Variants in FAM240B observed in about 807,000 individuals in gnomAD.
FAM240B encodes protein FAM240B.
intron 1 of FAM240B, among the ~76,000 whole-genome samples, chr9:38,719,312 A>C (rs1441224943): frequency 6.6e-6 from 1 of 151,622 alleles, no homozygotes; most frequent in African/African-American, 2.4e-5. Flanking sequence ...TTCTATTTTC[A>C]GTAAAATGTT....
At chr9:38,717,091 C>G (rs377450035) in intron 1 of FAM240B, among the ~76,000 whole-genome samples, 1 of 152,150 alleles carries the variant, frequency 6.6e-6, no homozygotes, top group East Asian at 1.9e-4. Context: ...TCGGCACCCT[C>G]GGGAAGGTGT....
intron 1 of FAM240B, among the ~76,000 whole-genome samples, chr9:38,714,653 A>G (rs905094075): frequency 6.6e-5 from 10 of 152,234 alleles, no homozygotes; most frequent in Admixed American, 5.9e-4. Context: ...TCTATGATGC[A>G]CTTCTCCCAA....
At chr9:38,705,585 A>C (rs1338361070) in intron 1 of FAM240B, 25 of 46,862 alleles carry the variant, frequency 5.3e-4, no homozygotes. Flanking sequence ...CAAGACTCCA[A>C]CTCAAAAAAA....
chr9:38,694,654 A>G lies in FAM240B; in HGVS notation c.*122T>C. 1 of 396,154 alleles carries G rather than the reference A, an allele frequency of 2.5e-6. No homozygotes were observed. The highest frequency in any genetic ancestry group is 3.6e-5 in the East Asian group (1 of 27,976). 24.5% of individuals were successfully genotyped at this position (396,154 alleles called of 1,614,324 possible). On this transcript the variant is annotated 3_prime_UTR_variant, in exon 3 of 3. Coordinates refer to ENST00000637493, the MANE Select transcript of FAM240B (RefSeq NM_001394922.1). ...GGGAGGTTTCACATGTAAATCCCCTAGCAAATGGAAGCACAAATAGAGAGC... is the reference window on the plus strand; with the variant it reads ...GGGAGGTTTCACATGTAAATCCCCTGGCAAATGGAAGCACAAATAGAGAGC...
intron 1 of FAM240B, among the ~76,000 whole-genome samples, chr9:38,717,374 A>G (rs1169198434): frequency 6.6e-6 from 1 of 151,972 alleles, no homozygotes; most frequent in African/African-American, 2.4e-5. Context: ...AGGTCAGGAG[A>G]TCGAGACCAT....
chr9:38,717,529 G>A (rs938563157), intron 1 of FAM240B, among the ~76,000 whole-genome samples: 2 of 152,230 alleles, frequency 1.3e-5, no homozygotes, highest in Non-Finnish European at 2.9e-5. Flanking sequence ...TGCCCAGGCT[G>A]GAGTGCAGTG....
At chr9:38,713,321 A>G (rs1477551649) in intron 1 of FAM240B, among the ~76,000 whole-genome samples, 1 of 152,076 alleles carries the variant, frequency 6.6e-6, no homozygotes, top group Non-Finnish European at 1.5e-5. Context: ...TACTAAAAAT[A>G]CAAAAGATTA....
intron 1 of FAM240B, among the ~76,000 whole-genome samples, chr9:38,710,490 C>T (rs1821241838): frequency 6.6e-6 from 1 of 152,176 alleles, no homozygotes; most frequent in Admixed American, 6.5e-5. Context: ...TTCTGACTCC[C>T]ACCTCTAAAA....
chr9:38,696,708 G>A (rs1307699080), intron 2 of FAM240B, among the ~76,000 whole-genome samples: 1 of 152,080 alleles, frequency 6.6e-6, no homozygotes, highest in Non-Finnish European at 1.5e-5. Flanking sequence ...CAGCTACCCG[G>A]GAGGCTGAGG....
At chr9:38,696,735 AC>A (rs1421588956) in intron 2 of FAM240B, among the ~76,000 whole-genome samples, 1 of 152,060 alleles carries the variant, frequency 6.6e-6, no homozygotes, top group Non-Finnish European at 1.5e-5. Context: ...AATCGCTTGA[AC>A]TTGGGAGGCG....
intron 1 of FAM240B, among the ~76,000 whole-genome samples, chr9:38,706,597 G>T (rs1438246339): frequency 6.6e-6 from 1 of 152,148 alleles, no homozygotes; most frequent in Non-Finnish European, 1.5e-5. Flanking sequence ...GACATTGAGG[G>T]TCTGAGCGTG....
intron 1 of FAM240B, among the ~76,000 whole-genome samples, chr9:38,710,519 A>T (rs921887615): frequency 4.6e-5 from 7 of 152,196 alleles, no homozygotes; most frequent in Non-Finnish European, 8.8e-5. Flanking sequence ...TACTGCATTT[A>T]TCTTTTTGTT....
chr9:38,718,369 T>G (rs1488000887), intron 1 of FAM240B, among the ~76,000 whole-genome samples: 2 of 152,218 alleles, frequency 1.3e-5, no homozygotes, highest in Non-Finnish European at 2.9e-5. Context: ...ACGGAAGTGT[T>G]GGAATGTTTG....
At chr9:38,718,553 T>C (rs886700527) in intron 1 of FAM240B, among the ~76,000 whole-genome samples, 6 of 152,152 alleles carry the variant, frequency 3.9e-5, no homozygotes, top group Non-Finnish European at 7.3e-5. Context: ...ACAATTGGCT[T>C]TTCTAACTCA....
At chr9:38,719,505 G>T (rs1382942790) in intron 1 of FAM240B, among the ~76,000 whole-genome samples, 1 of 152,068 alleles carries the variant, frequency 6.6e-6, no homozygotes, top group East Asian at 1.9e-4. Flanking sequence ...CTGATGAGGG[G>T]CTAGGGAAGA....
chr9:38,700,566 T>C (rs1373455924), intron 2 of FAM240B, among the ~76,000 whole-genome samples: 1 of 152,250 alleles, frequency 6.6e-6, no homozygotes, highest in Non-Finnish European at 1.5e-5. Context: ...TAAAAGAGAC[T>C]GTAGTCAATG....
At chr9:38,717,310 G>A (rs1334398281) in intron 1 of FAM240B, among the ~76,000 whole-genome samples, 3 of 152,156 alleles carry the variant, frequency 2.0e-5, no homozygotes, top group Non-Finnish European at 4.4e-5. Context: ...GCCGGGCGCA[G>A]TGGCTCACGC....
chr9:38,702,445 A>G (rs1821139783), intron 2 of FAM240B, among the ~76,000 whole-genome samples: 1 of 152,234 alleles, frequency 6.6e-6, no homozygotes, highest in African/African-American at 2.4e-5. Flanking sequence ...TCTGCTGTGG[A>G]GAACACATGA....
chr9:38,717,150 C>T (rs1358709565), intron 1 of FAM240B, among the ~76,000 whole-genome samples: 2 of 152,168 alleles, frequency 1.3e-5, no homozygotes, highest in Non-Finnish European at 2.9e-5. Context: ...CTAGGGGCTT[C>T]GGCTTCCCTC....
Sources: gnomAD v4.1 joint callset for allele counts (sites outside exome capture counted in the v4.1 genomes callset) on GRCh38, gnomAD v4.1.1 for gene constraint, MANE v1.5 for transcripts, NCBI Gene and HGNC (gene_info 2026-07-23, HGNC 2026-07-21) for gene names.